The following ZBP1 variants were observed in gnomAD, a reference collection of about 807,000 sequenced individuals.
The protein encoded by ZBP1 is Z-DNA binding protein 1.
ZBP1 carries 42 observed loss-of-function variants against 41.1 expected under a neutral mutation model. The ratio of observed to expected loss-of-function variants is 1.02; its 90% CI spans 0.80 to 1.32. The LOEUF (loss-of-function observed/expected upper bound fraction) is 1.32. ZBP1 is among the 40% of genes most tolerant of loss of function. The probability of loss-of-function intolerance (pLI) is 0.00; values close to 1 mark genes in which losing one functional copy is unlikely to be tolerated. For missense variants in ZBP1, 562 were observed against 549.7 expected (o/e 1.02, Z -0.22); for synonymous variants, 214 against 205.2 (o/e 1.04, Z -0.37).
Position 57,615,030 on chromosome 20 carries a change from T to C in ZBP1, c.359A>G (p.Asn120Ser). 3 of 1,614,158 alleles carry C rather than the reference T, an allele frequency of 1.9e-6. No individual in the cohort carries two copies. Among genetic ancestry groups the C allele is most frequent in the South Asian group, 1.1e-5 (1 of 91,088 alleles). Reference sequence around the variant, plus strand: ...GATGACCAGGGCCCTCTGGGGACCATTGTCTTTGAGAAACCTGTAGATGTC... The same window carrying C: ...GATGACCAGGGCCCTCTGGGGACCACTGTCTTTGAGAAACCTGTAGATGTC... ...EEDIYRFLKD[N>S]GPQRALVIAQ... Residue 120 changes from asparagine to serine, a missense_variant, in exon 4 of 8, where the codon AAT becomes AGT. Asn to Ser is a conservative substitution (Grantham distance 46). Coordinates refer to ENST00000371173, the MANE Select transcript of ZBP1 (RefSeq NM_030776.3).
chr20:57,615,201 G>T (rs1568937469), intron 3 of ZBP1, 141 bp from the exon 4 acceptor site: 3 of 960,638 alleles, frequency 3.1e-6, no homozygotes, highest in South Asian at 1.6e-5. Context: ...TGATAACGGG[G>T]TCATCATGAC....
In ZBP1 at chr20:57,611,673, C is replaced by T; in HGVS notation, c.874+54G>A. On this transcript the variant is annotated intron_variant, in intron 6 of 7. Coordinates refer to ENST00000371173, the MANE Select transcript of ZBP1 (RefSeq NM_030776.3). ...AAAAGATTCTGGCTCCAGTTCCTTC[C>T]AGTGAGGACCCACGGGGTGGCAGAG... is the stretch of plus-strand genomic sequence containing the variant. 1.9e-6 allele frequency: 3 copies of T among 1,541,668 alleles called. No homozygotes were observed. In the South Asian group the frequency reaches 3.6e-5, roughly 18 times the overall value.
intron 1 of ZBP1, 29 bp from the exon 2 acceptor site, chr20:57,616,497 G>T: frequency 6.2e-7 from 1 of 1,610,246 alleles, no homozygotes; most frequent in Non-Finnish European, 8.5e-7. Context: ...GACAGAGAGG[G>T]GAACTGAGTC....
Position 57,613,218 on chromosome 20 carries a change from G to A in ZBP1, c.615C>T (p.Ala205=). 2 of 1,614,230 alleles carry A rather than the reference G, an allele frequency of 1.2e-6. No individual in the cohort carries two copies. The highest frequency in any genetic ancestry group is 1.1e-5 in the South Asian group (1 of 91,086). ...NSWISIANSE[A]IQIGHGNIIT... ...TGATGTTCCCGTGTCCAATCTGGAT[G>A]GCTTCGGAGTTTGCAATGGAAATCC... The change falls in exon 5 of 8, where the codon GCC becomes GCT. Residue 205 remains alanine (A), a synonymous_variant. Transcript: ENST00000371173. This position sits in a 1 kb window ranked among gnomAD's most constrained non-coding sequence, Gnocchi z 4.5.
At position 57,613,481 on chromosome 20, in the gene ZBP1, G is replaced by A; in HGVS notation, c.503-151C>T. The A allele has an allele frequency of 1.3e-6, 1 of 792,174 alleles. No homozygotes were observed. The highest frequency in any genetic ancestry group is 2.0e-6 in the Non-Finnish European group (1 of 490,042). The allele number at this position is 792,174 out of a possible 1,614,324, so 49.1% of individuals were successfully genotyped here. ...AGGGCCAAGTGGGAGGCCAGAGCTG[G>A]GTGTTTAACAGACACCACAGGTACC... On this transcript the variant is annotated intron_variant, in intron 4 of 7. Coordinates refer to ENST00000371173, the MANE Select transcript of ZBP1 (RefSeq NM_030776.3). This position sits in a 1 kb window ranked among gnomAD's most constrained non-coding sequence, Gnocchi z 4.5.
chr20:57,606,036 T>A (rs1472645683), intron 7 of ZBP1, among the ~76,000 whole-genome samples: 1 of 152,172 alleles, frequency 6.6e-6, no homozygotes, highest in African/African-American at 2.4e-5. Flanking sequence ...AAGTGAGAAA[T>A]GATTAAGCTT....
chr20:57,604,548 T>C lies in ZBP1; in HGVS notation c.*25A>G. 2 of 1,609,114 alleles carry C rather than the reference T, an allele frequency of 1.2e-6. No individual in the cohort carries two copies. The highest frequency in any genetic ancestry group is 1.7e-6 in the Non-Finnish European group (2 of 1,176,948). The stretch of plus-strand genomic sequence containing the variant: ...AGCATGCGCCCACCCCCAGCCTGTG[T>C]CCAAGCCCCACGTGAGGCTGTGCAC... On this transcript the variant is annotated 3_prime_UTR_variant, in exon 8 of 8. Coordinates refer to ENST00000371173, the MANE Select transcript of ZBP1 (RefSeq NM_030776.3).
rs768258120 is a variant in ZBP1, at chr20:57,604,640, G to T, written c.1223C>A (p.Ala408Asp). 3 of 1,614,186 alleles carry T rather than the reference G, an allele frequency of 1.9e-6. No homozygotes were observed. The highest frequency in any genetic ancestry group is 2.5e-6 in the Non-Finnish European group (3 of 1,180,044). Residue 408 changes from alanine (A) to aspartate (D), a missense_variant, in exon 8 of 8, where the codon GCT (alanine) becomes GAT (aspartate). Coordinates refer to ENST00000371173, the MANE Select transcript of ZBP1 (RefSeq NM_030776.3). Reference protein sequence around the residue: ...TMTLGNRSHKAAEGSHYVDEA... With the variant: ...TMTLGNRSHKDAEGSHYVDEA... ...ATCCACATAGTGGCTGCCTTCTGCAGCTTTGTGACTCCTGTTTCCAAGAGT... is the reference window on the plus strand; with the variant it reads ...ATCCACATAGTGGCTGCCTTCTGCATCTTTGTGACTCCTGTTTCCAAGAGT...
At chr20:57,609,372 T>G (rs1304265333) in intron 7 of ZBP1, among the ~76,000 whole-genome samples, 1 of 152,106 alleles carries the variant, frequency 6.6e-6, no homozygotes, top group Non-Finnish European at 1.5e-5. Context: ...CTCTTCCTGT[T>G]GGCAGTGGAG....
intron 7 of ZBP1, among the ~76,000 whole-genome samples, chr20:57,605,768 C>G (rs1600722496): frequency 6.6e-6 from 1 of 152,266 alleles, no homozygotes; most frequent in East Asian, 1.9e-4. Flanking sequence ...AACCCCATCT[C>G]TACTAAAAAT....
chr20:57,612,929 T>C, intron 5 of ZBP1: 3 of 1,331,226 alleles, frequency 2.3e-6, no homozygotes, highest in Non-Finnish European at 2.9e-6. Context: ...AAAATTAAAT[T>C]AAACTTTAAA....
intron 7 of ZBP1, 119 bp from the exon 8 acceptor site, chr20:57,604,888 A>T: frequency 9.9e-7 from 1 of 1,005,286 alleles, no homozygotes; most frequent in Non-Finnish European, 1.5e-6. Flanking sequence ...CTGTCTTTAG[A>T]TTTGTACAAA....
chr20:57,604,868 T>A, intron 7 of ZBP1, 99 bp from the exon 8 acceptor site: 1 of 1,187,400 alleles, frequency 8.4e-7, no homozygotes, highest in Non-Finnish European at 1.2e-6. Flanking sequence ...AGCTTGAGCC[T>A]TTGTTGTTAC....
chr20:57,607,294 G>A, intron 7 of ZBP1: 1 of 1,297,114 alleles, frequency 7.7e-7, no homozygotes, highest in Non-Finnish European at 1.0e-6. Flanking sequence ...TTCAGTGAAG[G>A]CAGCAACTGC....
At chr20:57,619,821 A>C (rs887365043) in intron 1 of ZBP1, among the ~76,000 whole-genome samples, 2 of 151,218 alleles carry the variant, frequency 1.3e-5, no homozygotes, top group African/African-American at 4.9e-5. Flanking sequence ...GGGGATGGCT[A>C]TGCTGTCCCT....
Position 57,614,901 on chromosome 20 carries a change from G to A in ZBP1, c.488C>T (p.Thr163Met), listed in dbSNP as rs749121050. ...CGGGGGCCTACCTGGGCGGTAAATC[G>A]TCCATGCTTTGGACTGCTCATCCAT... ...LDMDEQSKAW[T>M]IYRPEDSGRR... is the part of the protein sequence containing the mutation. Residue 163 changes from threonine to methionine, a missense_variant, in exon 4 of 8, where the codon ACG becomes ATG. Physicochemically the swap from Thr to Met is moderately conservative, Grantham distance 81. Transcript: ENST00000371173. 2.2e-5 allele frequency: 36 copies of A among 1,614,050 alleles called. No homozygotes were observed. In the Admixed American group the frequency reaches 3.7e-4, roughly 16 times the overall value.
Position 57,620,285 on chromosome 20 carries a change from G to T in ZBP1, c.11C>A (p.Ala4Asp), listed in dbSNP as rs201431325. Residue 4 changes from alanine (A) to aspartate (D), a missense_variant, in exon 1 of 8, where the codon GCT becomes GAT. Transcript: ENST00000371173. Reference protein sequence around the residue: MAQAPADPGREGHL... With the variant: MAQDPADPGREGHL... ...ACCTTCTCTGCCCGGGTCAGCAGGA[G>T]CCTGGGCCATGCTGACAGCAGCTGC... is the stretch of plus-strand genomic sequence containing the variant. 3 of 1,597,948 alleles carry T rather than the reference G, an allele frequency of 1.9e-6. No homozygotes were observed. The highest frequency in any genetic ancestry group is 1.7e-5 in the Admixed American group (1 of 57,948).
intron 7 of ZBP1, among the ~76,000 whole-genome samples, chr20:57,607,896 C>A (rs1001634338): frequency 6.6e-6 from 1 of 152,164 alleles, no homozygotes. Flanking sequence ...ACTAGAGCAT[C>A]GTGTGAATAT....
chr20:57,604,889 T>C, intron 7 of ZBP1, 120 bp from the exon 8 acceptor site: 2 of 1,006,332 alleles, frequency 2.0e-6, no homozygotes, highest in Non-Finnish European at 3.0e-6. Context: ...TGTCTTTAGA[T>C]TTGTACAAAG....
Sources: gnomAD v4.1 joint callset for allele counts (sites outside exome capture counted in the v4.1 genomes callset) on GRCh38, gnomAD v4.1.1 for gene constraint, Gnocchi (gnomAD v3.1) non-coding constraint, MANE v1.5 for transcripts, NCBI Gene and HGNC (gene_info 2026-07-23, HGNC 2026-07-21) for gene names.